The following KCNIP4 variants were observed in gnomAD, a reference collection of about 807,000 sequenced individuals.
KCNIP4 encodes Kv channel-interacting protein 4.
KCNIP4 carries 12 observed loss-of-function variants against 34.0 expected under a neutral mutation model. The observed-to-expected ratio is 0.35, with a 90% CI of 0.23 to 0.57. The LOEUF (loss-of-function observed/expected upper bound fraction) is 0.57, where lower values mean the gene tolerates loss of function less well. Ranked by LOEUF, KCNIP4 falls within the 20% of genes least tolerant of loss-of-function variation. KCNIP4 has a pLI of 0.83. For synonymous variants in KCNIP4, 124 were observed against 102.2 expected, an observed-to-expected ratio of 1.21 and a Z score of -1.29; for missense variants, 238 against 311.7, an observed-to-expected ratio of 0.76 and a Z score of 1.78.
intron 1 of KCNIP4, among the ~76,000 whole-genome samples, chr4:21,400,529 T>C (rs771374553): frequency 0.02 from 1,138 of 56,656 alleles, 46 homozygotes; most frequent in African/African-American, 0.078. Context: ...TCTTCTCTTC[T>C]CTTCTCTTCT....
chr4:21,461,717 T>A (rs987101560), intron 1 of KCNIP4, among the ~76,000 whole-genome samples: 2 of 151,896 alleles, frequency 1.3e-5, no homozygotes, highest in African/African-American at 2.4e-5. Context: ...GGGCTGTTCA[T>A]CTGCTTGCCA....
chr4:21,652,931 C>T (rs1440775484), intron 1 of KCNIP4, among the ~76,000 whole-genome samples: 1 of 152,152 alleles, frequency 6.6e-6, no homozygotes, highest in Non-Finnish European at 1.5e-5. Flanking sequence ...TGCTGGGCAA[C>T]AGAGAAAGGT....
At chr4:21,676,575 T>C (rs1281342566) in intron 1 of KCNIP4, among the ~76,000 whole-genome samples, 1 of 152,218 alleles carries the variant, frequency 6.6e-6, no homozygotes, top group African/African-American at 2.4e-5. Flanking sequence ...AGAAATATAC[T>C]CATTCAAGGA....
chr4:20,976,788 A>G (rs1735532781), intron 1 of KCNIP4, among the ~76,000 whole-genome samples: 2 of 152,162 alleles, frequency 1.3e-5, no homozygotes, highest in African/African-American at 2.4e-5. Flanking sequence ...CAATATAACA[A>G]CAAGAGCACT....
intron 1 of KCNIP4, among the ~76,000 whole-genome samples, chr4:21,546,217 C>T (rs1183627578): frequency 6.6e-6 from 1 of 152,054 alleles, no homozygotes; most frequent in Admixed American, 6.6e-5. Flanking sequence ...GACATTTCAC[C>T]ATATTCTTAG....
chr4:21,420,029 C>G (rs987284211), intron 1 of KCNIP4, among the ~76,000 whole-genome samples: 1 of 152,028 alleles, frequency 6.6e-6, no homozygotes. Context: ...TAGGTCAGAC[C>G]TCTCATGAGG....
At chr4:21,545,374 T>G (rs1323711479) in intron 1 of KCNIP4, among the ~76,000 whole-genome samples, 7 of 152,118 alleles carry the variant, frequency 4.6e-5, no homozygotes, top group Non-Finnish European at 1.0e-4. Flanking sequence ...ATTCTTTTAT[T>G]CCTTTACTTT....
At chr4:20,955,785 A>T (rs1733236399) in intron 1 of KCNIP4, among the ~76,000 whole-genome samples, 1 of 152,204 alleles carries the variant, frequency 6.6e-6, no homozygotes, top group Non-Finnish European at 1.5e-5. Context: ...GAAACTGGAC[A>T]AATTATATGC....
chr4:21,865,907 A>G (rs1358817206), intron 1 of KCNIP4, among the ~76,000 whole-genome samples: 1 of 130,704 alleles, frequency 7.7e-6, no homozygotes, highest in Non-Finnish European at 1.7e-5. Flanking sequence ...ATTTGCCACC[A>G]TATATATATA....
intron 1 of KCNIP4, among the ~76,000 whole-genome samples, chr4:21,647,863 CTTTTTTTTTTTTTTTT>C (rs10539950): frequency 6.6e-5 from 4 of 60,178 alleles, no homozygotes; most frequent in South Asian, 1.3e-3. Context: ...TACAATGATG[CTTTTTTTTTTTTTTTT>C]TTTTTTTTTT....
intron 1 of KCNIP4, among the ~76,000 whole-genome samples, chr4:21,749,540 T>A (rs1219066787): frequency 6.6e-6 from 1 of 152,088 alleles, no homozygotes; most frequent in African/African-American, 2.4e-5. Context: ...TGGAAAAATA[T>A]TCACCGCCCT....
At chr4:21,047,435 G>A (rs1742531074) in intron 1 of KCNIP4, among the ~76,000 whole-genome samples, 1 of 152,134 alleles carries the variant, frequency 6.6e-6, no homozygotes, top group Non-Finnish European at 1.5e-5. Flanking sequence ...ATTCTGATGA[G>A]TTTTGTACAC....
rs564329078 is a variant in KCNIP4 at position 20,907,703 on chromosome 4, TTAGAAA to T, written c.62-25000_62-24995del. ...TGGTTTTTTGATTTTTGTGCTGTTGTTAGAAATGTAAATTTTTTTATTTTTTTTCTT... is the reference window on the plus strand; with the variant it reads ...TGGTTTTTTGATTTTTGTGCTGTTGTTGTAAATTTTTTTATTTTTTTTCTT... On this transcript the variant is annotated intron_variant, in intron 1 of 8. Transcript: ENST00000382152. Among the ~76,000 whole-genome samples the T allele has an allele frequency of 8.5e-5, 13 of 152,276 alleles. No homozygotes were observed. The South Asian group carries it at 2.5e-3, about 29-fold the overall frequency.
At chr4:21,474,015 A>G (rs2109812986) in intron 1 of KCNIP4, among the ~76,000 whole-genome samples, 1 of 152,264 alleles carries the variant, frequency 6.6e-6, no homozygotes, top group East Asian at 1.9e-4. Context: ...CTCCCGGCCC[A>G]GGCAACTTAA....
chr4:21,108,019 T>A (rs1748745930), intron 1 of KCNIP4, among the ~76,000 whole-genome samples: 1 of 151,352 alleles, frequency 6.6e-6, no homozygotes, highest in Non-Finnish European at 1.5e-5. Flanking sequence ...CCTTTCTCTC[T>A]GGCTGCCCTT....
chr4:21,270,500 A>G (rs977638591), intron 1 of KCNIP4, among the ~76,000 whole-genome samples: 3 of 152,234 alleles, frequency 2.0e-5, no homozygotes, highest in African/African-American at 7.2e-5. Context: ...GATTTAATTC[A>G]TCAAATAGAT....
At chr4:21,387,760 T>G (rs1173151619) in intron 1 of KCNIP4, among the ~76,000 whole-genome samples, 1 of 152,146 alleles carries the variant, frequency 6.6e-6, no homozygotes, top group Non-Finnish European at 1.5e-5. Flanking sequence ...CTTCCTCTCT[T>G]CATAGATTTG....
rs529901630 is a variant in KCNIP4, at chr4:20,977,196, C to G, written c.62-94487G>C. Among the ~76,000 whole-genome samples the G allele has an allele frequency of 3.3e-5, 5 of 152,262 alleles. No homozygotes were observed. In the East Asian group the frequency reaches 9.7e-4, roughly 29 times the overall value. On this transcript the variant is annotated intron_variant, in intron 1 of 8. Transcript: ENST00000382152. ...CTATCCCAGCTAATATGAGTAACAG[C>G]TGCTTCTTTACCTATTACAGCTTTT...
chr4:20,818,659 A>G (rs572627319), intron 3 of KCNIP4, among the ~76,000 whole-genome samples: 17 of 152,098 alleles, frequency 1.1e-4, no homozygotes, highest in Non-Finnish European at 1.9e-4. Context: ...ACACCTGAAA[A>G]ATCTCCACTA....
Sources: gnomAD v4.1 joint callset for allele counts (sites outside exome capture counted in the v4.1 genomes callset) on GRCh38, gnomAD v4.1.1 for gene constraint, MANE v1.5 for transcripts, NCBI Gene and HGNC (gene_info 2026-07-23, HGNC 2026-07-21) for gene names.